Variants in STXBP5L observed in about 807,000 individuals in gnomAD.
STXBP5L encodes syntaxin binding protein 5L.
Under a neutral mutation model 144.5 loss-of-function variants are expected in STXBP5L, and 65 were observed. The ratio of observed to expected loss-of-function variants is 0.45; its 90% CI spans 0.37 to 0.55. The LOEUF is 0.55. Among genes scored for constraint, STXBP5L ranks in the 20% least tolerant of loss-of-function variants. The pLI is 0.00. For missense variants in STXBP5L, 1,298 were observed against 1,405.5 expected (o/e 0.92, Z 1.22); for synonymous variants, 505 against 469.6 (o/e 1.08, Z -0.97).
chr3:121,045,506 A>T lies in STXBP5L; in HGVS notation c.441A>T (p.Ile147=). The T allele has an allele frequency of 6.2e-7, 1 of 1,612,912 alleles. No homozygotes were observed. The highest frequency in any genetic ancestry group is 8.5e-7 in the Non-Finnish European group (1 of 1,179,344). Residue 147 remains isoleucine (I), a synonymous_variant, in exon 5 of 27, where the codon ATA becomes ATT. Coordinates refer to ENST00000471454, the MANE Select transcript of STXBP5L (RefSeq NM_001308330.2). The part of the protein sequence containing the change: ...LWNLRQKRPA[I]LHSLKFNRER... ...ACCTTAGACAAAAAAGGCCAGCCATACTCCATTCTCTTAAATTTAACCGGG... is the reference window on the plus strand; with the variant it reads ...ACCTTAGACAAAAAAGGCCAGCCATTCTCCATTCTCTTAAATTTAACCGGG...
rs74994207 is a variant in STXBP5L at position 121,339,232 on chromosome 3, G to A, written c.2176+20692G>A. 5.5e-3 allele frequency among the ~76,000 whole-genome samples: 832 copies of A among 152,118 alleles called. 12 individuals are homozygous for A. Among genetic ancestry groups the A allele is most frequent in the African/African-American group, 0.019 (798 of 41,478 alleles). On this transcript the variant is annotated intron_variant, in intron 20 of 26. Transcript: ENST00000471454. ...AAAGGTAATTAACTATGATTAAGTGGGTATTATCCCAGGGATGCAGGGATG... is the reference window on the plus strand; with the variant it reads ...AAAGGTAATTAACTATGATTAAGTGAGTATTATCCCAGGGATGCAGGGATG...
At chr3:121,340,608 T>G (rs909746746) in intron 20 of STXBP5L, among the ~76,000 whole-genome samples, 3 of 152,030 alleles carry the variant, frequency 2.0e-5, no homozygotes, top group Admixed American at 2.0e-4. Context: ...TGTGATAGTT[T>G]GCTTAGAATG....
Position 121,001,504 on chromosome 3 carries a change from C to T in STXBP5L, c.288-40196C>T, listed in dbSNP as rs541685337. Among the ~76,000 whole-genome samples, 403 of 152,320 alleles carry T rather than the reference C, an allele frequency of 2.6e-3. 5 individuals are homozygous for T. The highest frequency in any genetic ancestry group is 0.021 in the South Asian group (99 of 4,826). On this transcript the variant is annotated intron_variant, in intron 3 of 26. Coordinates refer to ENST00000471454, the MANE Select transcript of STXBP5L (RefSeq NM_001308330.2). ...GATGGGTATCCCTGGCTGTGCTCCACTGCAGCCATTCCCACGTCAAACCCT... is the reference window on the plus strand; with the variant it reads ...GATGGGTATCCCTGGCTGTGCTCCATTGCAGCCATTCCCACGTCAAACCCT...
chr3:121,185,009 A>G (rs1381807673), intron 9 of STXBP5L, among the ~76,000 whole-genome samples: 2 of 152,110 alleles, frequency 1.3e-5, no homozygotes, highest in African/African-American at 4.8e-5. Context: ...AGACAAGCAA[A>G]TGCTGATATT....
intron 19 of STXBP5L, among the ~76,000 whole-genome samples, chr3:121,289,880 C>T (rs1422871927): frequency 6.6e-6 from 1 of 151,934 alleles, no homozygotes; most frequent in African/African-American, 2.4e-5. Context: ...GTGGCACAAC[C>T]TATCAAAACC....
chr3:121,348,918 T>C (rs1173452765), intron 20 of STXBP5L, among the ~76,000 whole-genome samples: 1 of 152,124 alleles, frequency 6.6e-6, no homozygotes, highest in Non-Finnish European at 1.5e-5. Flanking sequence ...ACTCCTGGAT[T>C]CATTGATTTT....
chr3:121,409,053 A>C (rs2047059770), intron 23 of STXBP5L, among the ~76,000 whole-genome samples: 1 of 151,972 alleles, frequency 6.6e-6, no homozygotes, highest in Admixed American at 6.6e-5. Context: ...GAGGTTTAGC[A>C]ATAAATTTAA....
At chr3:121,339,867 C>G (rs780912082) in intron 20 of STXBP5L, among the ~76,000 whole-genome samples, 11 of 148,620 alleles carry the variant, frequency 7.4e-5, no homozygotes, top group Non-Finnish European at 1.5e-4. Context: ...AAGAGCTCTA[C>G]AAGGAGGACT....
intron 3 of STXBP5L, among the ~76,000 whole-genome samples, chr3:120,958,032 G>C (rs561600738): frequency 1.3e-5 from 2 of 152,074 alleles, no homozygotes; most frequent in African/African-American, 4.8e-5. Context: ...AAGAAGAAAA[G>C]GGAGAAGAGT....
chr3:121,047,988 TCTTTG>T (rs555838822), intron 5 of STXBP5L, among the ~76,000 whole-genome samples: 10 of 152,274 alleles, frequency 6.6e-5, no homozygotes, highest in Non-Finnish European at 1.3e-4. Flanking sequence ...CTTATAACAG[TCTTTG>T]CTTTCCATAT....
chr3:121,137,246 TA>T (rs200007296), intron 7 of STXBP5L, among the ~76,000 whole-genome samples: 2 of 140,530 alleles, frequency 1.4e-5, no homozygotes, highest in East Asian at 2.0e-4. Flanking sequence ...TTGAAAAGAA[TA>T]AAAAAAATGT....
chr3:121,200,271 G>A (rs2048087887), intron 9 of STXBP5L, among the ~76,000 whole-genome samples: 1 of 152,186 alleles, frequency 6.6e-6, no homozygotes, highest in Non-Finnish European at 1.5e-5. Flanking sequence ...TATTTGCATA[G>A]AGGTGCTAAT....
intron 5 of STXBP5L, among the ~76,000 whole-genome samples, chr3:121,057,019 T>C (rs892096634): frequency 6.6e-6 from 1 of 150,676 alleles, no homozygotes; most frequent in Non-Finnish European, 1.5e-5. Flanking sequence ...ACACAATATA[T>C]TGTTAAACAA....
intron 3 of STXBP5L, among the ~76,000 whole-genome samples, chr3:121,017,995 C>G (rs138188095): frequency 3.9e-5 from 6 of 152,294 alleles, no homozygotes; most frequent in Non-Finnish European, 7.3e-5. Context: ...GAGAGGATCA[C>G]TTGAGCCCAG....
intron 9 of STXBP5L, among the ~76,000 whole-genome samples, chr3:121,184,712 G>A (rs2047299857): frequency 6.6e-6 from 1 of 151,952 alleles, no homozygotes; most frequent in South Asian, 2.1e-4. Flanking sequence ...GAAATACAGA[G>A]AACACCACAA....
intron 6 of STXBP5L, among the ~76,000 whole-genome samples, chr3:121,119,670 C>A (rs892168797): frequency 4.0e-5 from 6 of 151,054 alleles, no homozygotes; most frequent in Admixed American, 3.3e-4. Context: ...TTTCTCATGA[C>A]CATAAGTTTT....
intron 9 of STXBP5L, among the ~76,000 whole-genome samples, chr3:121,192,100 A>T (rs527900314): frequency 6.6e-6 from 1 of 152,188 alleles, no homozygotes; most frequent in African/African-American, 2.4e-5. Flanking sequence ...TATAATTAAA[A>T]AAAGCTGATA....
At chr3:121,032,569 A>T (rs1946448406) in intron 3 of STXBP5L, among the ~76,000 whole-genome samples, 2 of 148,528 alleles carry the variant, frequency 1.3e-5, no homozygotes, top group Admixed American at 1.4e-4. Context: ...AAATTGACAA[A>T]TGGGATCTAA....
At chr3:121,368,572 T>A (rs145402733) in intron 20 of STXBP5L, among the ~76,000 whole-genome samples, 37 of 152,260 alleles carry the variant, frequency 2.4e-4, no homozygotes, top group Admixed American at 7.2e-4. Flanking sequence ...AAAGGGAACT[T>A]TTTAATTTAA....
Sources: gnomAD v4.1 joint callset for allele counts (sites outside exome capture counted in the v4.1 genomes callset) on GRCh38, gnomAD v4.1.1 for gene constraint, MANE v1.5 for transcripts, NCBI Gene and HGNC (gene_info 2026-07-23, HGNC 2026-07-21) for gene names.